Variants in MSR1 observed in about 807,000 individuals in gnomAD.
MSR1 encodes the protein macrophage scavenger receptor types I and II.
MSR1 carries 53 observed loss-of-function variants against 47.2 expected under a neutral mutation model. That is an observed-to-expected ratio of 1.12 (90% confidence interval 0.90 to 1.41). The LOEUF (loss-of-function observed/expected upper bound fraction) is 1.41. Ranked by LOEUF, MSR1 falls within the 40% of genes most tolerant of loss-of-function variation. MSR1 has a pLI of 0.00. For missense variants in MSR1, 786 were observed against 546.9 expected, an observed-to-expected ratio of 1.44 and a Z score of -4.36; for synonymous variants, 239 against 185.6, an observed-to-expected ratio of 1.29 and a Z score of -2.34.
intron 1 of MSR1, among the ~76,000 whole-genome samples, chr8:16,183,536 C>T (rs979717519): frequency 7.7e-5 from 11 of 143,420 alleles, no homozygotes; most frequent in African/African-American, 2.3e-4. Flanking sequence ...ACATGTAATA[C>T]ATATTTATAT....
chr8:16,166,044 C>G (rs936944588), intron 4 of MSR1, among the ~76,000 whole-genome samples: 1 of 151,870 alleles, frequency 6.6e-6, no homozygotes, highest in African/African-American at 2.4e-5. Context: ...GCAAGTATGT[C>G]GGGTAGTTCC....
chr8:16,120,507 C>A lies in MSR1; in HGVS notation c.1133G>T (p.Arg378Leu), dbSNP rs752948497. 9 of 1,613,604 alleles carry A rather than the reference C, an allele frequency of 5.6e-6. No homozygotes were observed. The highest frequency in any genetic ancestry group is 1.1e-5 in the South Asian group (1 of 91,074). Residue 378 changes from arginine to leucine, a missense_variant, in exon 9 of 10, where the codon CGC becomes CTC. Coordinates refer to ENST00000262101, the MANE Select transcript of MSR1 (RefSeq NM_138715.3). ...SGQWGTICDD[R>L]WEVRVGQVVC... ...GACCTGTCCAACGCGCACTTCCCAGCGATCGTCACAAATTGTACCCCACTG... is the reference window on the plus strand; with the variant it reads ...GACCTGTCCAACGCGCACTTCCCAGAGATCGTCACAAATTGTACCCCACTG...
At chr8:16,145,096 T>G (rs1800662852) in intron 7 of MSR1, among the ~76,000 whole-genome samples, 1 of 152,104 alleles carries the variant, frequency 6.6e-6, no homozygotes. Flanking sequence ...GAAATTGTAT[T>G]TTGAAGATTT....
intron 6 of MSR1, among the ~76,000 whole-genome samples, chr8:16,154,725 G>C (rs550885602): frequency 1.3e-5 from 2 of 151,828 alleles, no homozygotes; most frequent in Admixed American, 1.3e-4. Context: ...TATGATCTAC[G>C]GTTAGGTCTG....
At chr8:16,161,033 ATT>A (rs201538682) in intron 5 of MSR1, among the ~76,000 whole-genome samples, 2,335 of 130,744 alleles carry the variant, frequency 0.018, 51 homozygotes, top group African/African-American at 0.056. Context: ...CTTAAATAGC[ATT>A]TTTTTTTTTT....
intron 9 of MSR1, among the ~76,000 whole-genome samples, chr8:16,119,416 G>A (rs932349754): frequency 1.3e-5 from 2 of 151,890 alleles, no homozygotes; most frequent in African/African-American, 4.8e-5. Flanking sequence ...AGTAGAGATG[G>A]GGTTTCACCA....
Position 16,128,629 on chromosome 8 carries a change from CTTATG to C in MSR1, c.1034-8028_1034-8024del, listed in dbSNP as rs563697211. ...CAGACTAATACGTTTTCTTTTTTCA[CTTATG>C]TTATGTTTTTACTTGCAAACGAGAA... On this transcript the variant is annotated intron_variant, in intron 8 of 9. Transcript: ENST00000262101. Among the ~76,000 whole-genome samples, 10 of 152,188 alleles carry C rather than the reference CTTATG, an allele frequency of 6.6e-5. No homozygotes were observed. In the South Asian group the frequency reaches 8.3e-4, roughly 13 times the overall value.
At chr8:16,167,980 C>G (rs1455604407) in intron 4 of MSR1, among the ~76,000 whole-genome samples, 1 of 152,008 alleles carries the variant, frequency 6.6e-6, no homozygotes, top group Non-Finnish European at 1.5e-5. Flanking sequence ...CCAACAGACT[C>G]CCCATACAAA....
intron 8 of MSR1, among the ~76,000 whole-genome samples, chr8:16,137,396 C>T (rs1036965736): frequency 2.0e-5 from 3 of 152,076 alleles, no homozygotes; most frequent in Non-Finnish European, 4.4e-5. Context: ...TCTAGAAAAC[C>T]AAACTGCTCA....
chr8:16,161,472 C>A (rs567612952), intron 5 of MSR1, among the ~76,000 whole-genome samples: 1 of 151,968 alleles, frequency 6.6e-6, no homozygotes, highest in East Asian at 1.9e-4. Context: ...TCTTTATCAT[C>A]TGTTTTATTG....
At chr8:16,143,414 T>C in intron 8 of MSR1, 144 bp downstream of exon 8, 1 of 614,754 alleles carries the variant, frequency 1.6e-6, no homozygotes, top group Non-Finnish European at 2.9e-6. Context: ...GCATGCTTAT[T>C]TGTAGAAAAT....
chr8:16,139,864 A>T (rs1195202071), intron 8 of MSR1: 1 of 406,412 alleles, frequency 2.5e-6, no homozygotes, highest in African/African-American at 2.5e-5. Flanking sequence ...AGGTAAAATA[A>T]GAATCAATTT....
In MSR1 at chr8:16,164,180, C is replaced by A. The variant is rs760190230; in HGVS notation, c.702G>T (p.Val234=). The change falls in exon 5 of 10, where the codon GTG becomes GTT. Residue 234 remains valine (V), a synonymous_variant. Coordinates refer to ENST00000262101, the MANE Select transcript of MSR1 (RefSeq NM_138715.3). Reference sequence around the variant, plus strand: ...CTCCTTTTATTTCCTGTTCCAAATGCACTTGTTCTTCTTTCATAGCCATAA... The same window carrying A: ...CTCCTTTTATTTCCTGTTCCAAATGAACTTGTTCTTCTTTCATAGCCATAA... ...AEIMAMKEEQ[V]HLEQEIKGEV... 4.3e-6 allele frequency: 7 copies of A among 1,612,226 alleles called. No individual in the cohort carries two copies. In the South Asian group the frequency reaches 7.7e-5, roughly 18 times the overall value.
rs1799685672 is a variant in MSR1, at chr8:16,108,541, C to G, written c.*1544G>C. On this transcript the variant is annotated 3_prime_UTR_variant, in exon 10 of 10. Coordinates refer to ENST00000262101, the MANE Select transcript of MSR1 (RefSeq NM_138715.3). ...TTGTATTTACCTTTTGAAGAAAATA[C>G]CTAGATAGTGGAACTGAACACAAAG... is the stretch of plus-strand genomic sequence containing the variant. The G allele has an allele frequency of 6.6e-6, 1 of 151,968 alleles. No homozygotes were observed. The highest frequency in any genetic ancestry group is 1.5e-5 in the Non-Finnish European group (1 of 67,962). 9.4% of individuals were successfully genotyped at this position (151,968 alleles called of 1,614,324 possible).
At chr8:16,172,946 G>C (rs1801529994) in intron 3 of MSR1, among the ~76,000 whole-genome samples, 1 of 152,054 alleles carries the variant, frequency 6.6e-6, no homozygotes, top group Non-Finnish European at 1.5e-5. Context: ...GCCAAGTAGA[G>C]ATATATATTG....
chr8:16,180,309 G>A (rs548890625), intron 1 of MSR1, among the ~76,000 whole-genome samples: 8 of 152,066 alleles, frequency 5.3e-5, no homozygotes, highest in African/African-American at 1.9e-4. Context: ...ATGTTCCTGT[G>A]TCTCTTTAAC....
At chr8:16,177,851 C>G in intron 2 of MSR1, 35 bp downstream of exon 2, 1 of 1,539,262 alleles carries the variant, frequency 6.5e-7, no homozygotes, top group Non-Finnish European at 9.0e-7. Context: ...ACTCTAAGAA[C>G]AACCTCCATG....
rs1799703862 is a variant in MSR1 at position 16,109,232 on chromosome 8, A to G, written c.*853T>C. 1 of 137,596 alleles carries G rather than the reference A, an allele frequency of 7.3e-6. No individual in the cohort carries two copies. Among genetic ancestry groups the G allele is most frequent in the Non-Finnish European group, 1.5e-5 (1 of 66,228 alleles). The allele number at this position is 137,596 out of a possible 1,614,324, so 8.5% of individuals were successfully genotyped here. On this transcript the variant is annotated 3_prime_UTR_variant, in exon 10 of 10. Coordinates refer to ENST00000262101, the MANE Select transcript of MSR1 (RefSeq NM_138715.3). ...ACTGACTTCATAAAAGACTCCAAAC[A>G]GTTGAAACCACTCTTCCTTCTGCAC...
At chr8:16,179,962 G>A (rs763935931) in intron 1 of MSR1, among the ~76,000 whole-genome samples, 2 of 151,224 alleles carry the variant, frequency 1.3e-5, no homozygotes, top group Non-Finnish European at 2.9e-5. Context: ...TGTTTCCCAG[G>A]CTGGAGTGCA....
Sources: gnomAD v4.1 joint callset for allele counts (sites outside exome capture counted in the v4.1 genomes callset) on GRCh38, gnomAD v4.1.1 for gene constraint, MANE v1.5 for transcripts, NCBI Gene and HGNC (gene_info 2026-07-23, HGNC 2026-07-21) for gene names.